Variants in POLA1 observed in about 807,000 individuals in gnomAD.
POLA1 encodes the protein DNA polymerase alpha catalytic subunit.
In POLA1, 15 loss-of-function variants were observed where a neutral mutation model predicts 124.0. The ratio of observed to expected loss-of-function variants is 0.12; its 90% CI spans 0.08 to 0.19. The LOEUF (loss-of-function observed/expected upper bound fraction) is 0.19. POLA1 is among the 10% of genes least tolerant of loss of function. The pLI, the probability that POLA1 is intolerant of heterozygous loss-of-function variation, is 1.00. For missense variants in POLA1, 886 were observed against 1,103.4 expected, an observed-to-expected ratio of 0.80 and a Z score of 2.79; for synonymous variants, 408 against 389.4, an observed-to-expected ratio of 1.05 and a Z score of -0.56.
chrX:24,797,479 A>G (rs1205210482), intron 26 of POLA1, among the ~76,000 whole-genome samples: 2 of 110,206 alleles, frequency 1.8e-5, no homozygotes, highest in East Asian at 5.7e-4. Flanking sequence ...AGCCCCTGTT[A>G]TGTACATGTG....
chrX:24,876,725 G>C (rs965948556), intron 34 of POLA1, among the ~76,000 whole-genome samples: 2 of 110,910 alleles, frequency 1.8e-5, no homozygotes, highest in Non-Finnish European at 3.8e-5. Context: ...GGTGGGTGGA[G>C]AGACGAAGTC....
intron 31 of POLA1, among the ~76,000 whole-genome samples, chrX:24,823,502 A>G (rs2046122778): frequency 9.0e-6 from 1 of 110,525 alleles, no homozygotes; most frequent in Non-Finnish European, 1.9e-5. Flanking sequence ...CCTGGGTTCA[A>G]GCGATTCTCC....
intron 19 of POLA1, among the ~76,000 whole-genome samples, chrX:24,738,358 G>A (rs1395458137): frequency 1.8e-5 from 2 of 111,610 alleles, no homozygotes; most frequent in East Asian, 2.8e-4. Flanking sequence ...CTTAGGGCAA[G>A]GTTGCATGGT....
chrX:24,984,529 G>A (rs941251874), intron 36 of POLA1, among the ~76,000 whole-genome samples: 7 of 110,263 alleles, frequency 6.3e-5, no homozygotes, highest in African/African-American at 2.0e-4. Flanking sequence ...GTTTTACACC[G>A]GAAAAAAAAA....
intron 32 of POLA1, among the ~76,000 whole-genome samples, chrX:24,829,563 T>C (rs376060480): frequency 1.8e-5 from 2 of 112,459 alleles, no homozygotes; most frequent in East Asian, 5.6e-4. Context: ...TGAAGATCTG[T>C]AGAAAACATT....
At chrX:24,808,926 G>A (rs984452136) in intron 26 of POLA1, among the ~76,000 whole-genome samples, 1 of 111,950 alleles carries the variant, frequency 8.9e-6, no homozygotes, top group African/African-American at 3.2e-5. Flanking sequence ...TGCTTTGAAA[G>A]ATGGGTGATA....
At chrX:24,804,425 A>G (rs1019659793) in intron 26 of POLA1, among the ~76,000 whole-genome samples, 1 of 111,353 alleles carries the variant, frequency 9.0e-6, no homozygotes, top group African/African-American at 3.3e-5. Flanking sequence ...AACCATTTAT[A>G]TTTTACTACC....
chrX:24,920,693 T>G (rs1415858651), intron 35 of POLA1, among the ~76,000 whole-genome samples: 1 of 112,011 alleles, frequency 8.9e-6, no homozygotes, highest in African/African-American at 3.2e-5. Flanking sequence ...CTTTCTTATA[T>G]GTAAAATGAG....
intron 30 of POLA1, among the ~76,000 whole-genome samples, chrX:24,817,174 A>G (rs2046002735): frequency 1.8e-5 from 2 of 112,067 alleles, no homozygotes; most frequent in Admixed American, 1.9e-4. Context: ...TTCAGTAAGC[A>G]TTGAAAGAAT....
intron 11 of POLA1, among the ~76,000 whole-genome samples, chrX:24,723,510 A>G (rs1930332423): frequency 8.9e-6 from 1 of 112,318 alleles, no homozygotes. Context: ...TCTGAGATTT[A>G]GTATATAATG....
rs753854310 is a variant in POLA1 at position 24,714,654 on chromosome X, A to G, written c.447A>G (p.Gly149=). 3.5e-6 allele frequency: 4 copies of G among 1,149,974 alleles called. No homozygotes were observed. The East Asian group carries it at 1.2e-4, about 34-fold the overall frequency. The allele number at this position is 1,149,974 out of a possible 1,213,427, so 94.8% of individuals were successfully genotyped here. ...AGTCAATGTTCATTGCTTGTGCTGG[A>G]AAGAAAACTGCAGATGTGAGTTTCA... ...NIKSMFIACA[G]KKTADKAVDL... is the part of the protein sequence containing the mutation. Residue 149 remains glycine (G), a synonymous_variant, in exon 5 of 37, where the codon GGA becomes GGG. Transcript: ENST00000379068.
chrX:24,921,432 A>T (rs141721322), intron 35 of POLA1, among the ~76,000 whole-genome samples: 1 of 112,434 alleles, frequency 8.9e-6, no homozygotes. Flanking sequence ...AAATGGAAAT[A>T]TCCACATTTA....
chrX:24,738,246 A>T (rs1056845350), intron 19 of POLA1, among the ~76,000 whole-genome samples: 4 of 106,316 alleles, frequency 3.8e-5, no homozygotes, highest in African/African-American at 1.4e-4. Context: ...AAAAAAAAAA[A>T]GCCTCTGGTA....
In POLA1 at chrX:24,840,440, CTG is replaced by C. The variant is rs2046395472; in HGVS notation, c.3737-1208_3737-1207del. Among the ~76,000 whole-genome samples the C allele has an allele frequency of 4.5e-5, 5 of 111,999 alleles. No individual in the cohort carries two copies. In the East Asian group the frequency reaches 1.4e-3, roughly 31 times the overall value. The stretch of plus-strand genomic sequence containing the variant: ...TTTCGCAGGTGAGAAAAGTGAGACT[CTG>C]TGTCTCAGTTGTCTTATTCTTTGTT... On this transcript the variant is annotated intron_variant, in intron 32 of 36. Transcript: ENST00000379068.
chrX:24,964,028 C>T (rs2048196456), intron 36 of POLA1, among the ~76,000 whole-genome samples: 1 of 111,577 alleles, frequency 9.0e-6, no homozygotes, highest in Non-Finnish European at 1.9e-5. Context: ...AATGCAGGCA[C>T]AATCAAGGAT....
chrX:24,721,696 C>A (rs1028672261), intron 10 of POLA1, among the ~76,000 whole-genome samples: 30 of 111,899 alleles, frequency 2.7e-4, no homozygotes, highest in Non-Finnish European at 9.4e-5. Context: ...CACCTGGTTT[C>A]AGCTAGTAAC....
chrX:24,967,372 A>G (rs2048234807), intron 36 of POLA1, among the ~76,000 whole-genome samples: 1 of 111,007 alleles, frequency 9.0e-6, no homozygotes, highest in Non-Finnish European at 1.9e-5. Flanking sequence ...GAGGGGCTGT[A>G]GTATTAAGAA....
intron 33 of POLA1, 88 bp downstream of exon 33, chrX:24,841,918 A>C (rs1474901434): frequency 1.7e-6 from 1 of 603,633 alleles, no homozygotes; most frequent in Non-Finnish European, 2.6e-6. Context: ...AAAAAGGGCG[A>C]AATAAACACA....
chrX:24,761,039 A>C (rs1467965868), intron 26 of POLA1, among the ~76,000 whole-genome samples: 1 of 112,399 alleles, frequency 8.9e-6, no homozygotes, highest in Non-Finnish European at 1.9e-5. Flanking sequence ...TTAAAAAGCA[A>C]TATGAAATAG....
Sources: allele counts gnomAD v4.1 joint callset (sites outside exome capture counted in the v4.1 genomes callset), GRCh38; gene constraint gnomAD v4.1.1; transcripts MANE v1.5; gene names NCBI Gene and HGNC (gene_info 2026-07-23, HGNC 2026-07-21).